MEX3C: variants seen among roughly 807,000 people sequenced by gnomAD.
The protein encoded by MEX3C is mex-3 RNA binding family member C, also known as RNA-binding E3 ubiquitin-protein ligase MEX3C.
MEX3C carries 15 observed loss-of-function variants against 35.5 expected under a neutral mutation model. The ratio of observed to expected loss-of-function variants is 0.42; its 90% CI spans 0.28 to 0.65. MEX3C has a LOEUF of 0.65. Among genes scored for constraint, MEX3C ranks in the 30% least tolerant of loss-of-function variants. The pLI is 0.20. For synonymous variants in MEX3C, 390 were observed against 352.8 expected, an observed-to-expected ratio of 1.11 and a Z score of -1.18; for missense variants, 711 against 842.8, an observed-to-expected ratio of 0.84 and a Z score of 1.94.
At chr18:51,189,705 T>C (rs1912614563) in intron 1 of MEX3C, among the ~76,000 whole-genome samples, 1 of 152,176 alleles carries the variant, frequency 6.6e-6, no homozygotes, top group Admixed American at 6.5e-5. Flanking sequence ...CTTGAAATTA[T>C]GTTCATGCTC....
At chr18:51,183,202 T>A (rs531114008) in intron 1 of MEX3C, among the ~76,000 whole-genome samples, 1 of 152,302 alleles carries the variant, frequency 6.6e-6, no homozygotes, top group Admixed American at 6.5e-5. Context: ...TAAAAACCCA[T>A]TATTTATTTT....
At chr18:51,188,441 C>T (rs1369738851) in intron 1 of MEX3C, among the ~76,000 whole-genome samples, 4 of 151,924 alleles carry the variant, frequency 2.6e-5, no homozygotes, top group East Asian at 3.9e-4. Context: ...AGTAAAACCC[C>T]GTCTCTACCA....
chr18:51,187,287 C>T (rs371574724), intron 1 of MEX3C, among the ~76,000 whole-genome samples: 2 of 152,082 alleles, frequency 1.3e-5, no homozygotes, highest in Non-Finnish European at 1.5e-5. Flanking sequence ...AAAGGCTCCA[C>T]GAACTTAAGA....
At chr18:51,186,936 C>A (rs1464013939) in intron 1 of MEX3C, among the ~76,000 whole-genome samples, 2 of 152,202 alleles carry the variant, frequency 1.3e-5, no homozygotes, top group Non-Finnish European at 2.9e-5. Context: ...TGTATATTTT[C>A]ACTTTTGGCA....
intron 1 of MEX3C, chr18:51,196,317 G>T: frequency 1.3e-6 from 1 of 789,140 alleles, no homozygotes; most frequent in Non-Finnish European, 1.9e-6. Flanking sequence ...CCCAAGTAAC[G>T]TGAACACCAC....
At chr18:51,186,559 A>C (rs1912542945) in intron 1 of MEX3C, among the ~76,000 whole-genome samples, 1 of 152,202 alleles carries the variant, frequency 6.6e-6, no homozygotes, top group African/African-American at 2.4e-5. Flanking sequence ...GATGTCAGGC[A>C]AGGGAATTTC....
rs1026476826 is a variant in MEX3C at position 51,196,363 on chromosome 18, C to T, written c.754+204G>A. ...CGCCCGAGAAACTTCACACTTTTTACCAGGCAAGACGGGCGGAAAAGCGTG... is the reference window on the plus strand; with the variant it reads ...CGCCCGAGAAACTTCACACTTTTTATCAGGCAAGACGGGCGGAAAAGCGTG... On this transcript the variant is annotated intron_variant, in intron 1 of 1. Coordinates refer to ENST00000406189, the MANE Select transcript of MEX3C (RefSeq NM_016626.5). The T allele has an allele frequency of 7.4e-6, 9 of 1,215,118 alleles. No individual in the cohort carries two copies. The African/African-American group carries it at 7.9e-5, about 11-fold the overall frequency. The allele number at this position is 1,215,118 out of a possible 1,614,324, so 75.3% of individuals were successfully genotyped here.
Position 51,196,768 on chromosome 18 carries a change from C to T in MEX3C, c.553G>A (p.Gly185Arg), listed in dbSNP as rs561738827. 3.4e-6 allele frequency: 5 copies of T among 1,455,016 alleles called. No homozygotes were observed. The East Asian group carries it at 1.3e-4, about 39-fold the overall frequency. 90.1% of individuals were successfully genotyped at this position (1,455,016 alleles called of 1,614,324 possible). A position where few individuals can be genotyped will look rare whatever the true frequency, so the allele number is the denominator to read the frequency against. The change falls in exon 1 of 2, where the codon GGG becomes AGG. Residue 185 changes from glycine (G) to arginine (R), a missense_variant. This residue lies in a region of MEX3C where 354 missense variants were observed against 311.6 expected (regional missense o/e 1.14). Coordinates refer to ENST00000406189, the MANE Select transcript of MEX3C (RefSeq NM_016626.5). ...REAAAAAAAAGVLYGGDDAQG... is the reference protein window; with the variant it reads ...REAAAAAAAARVLYGGDDAQG... Reference sequence around the variant, plus strand: ...GCATCGTCCCCTCCGTACAGCACCCCCGCCGCCGCCGCCGCGGCCGCCGCC... The same window carrying T: ...GCATCGTCCCCTCCGTACAGCACCCTCGCCGCCGCCGCCGCGGCCGCCGCC...
Position 51,197,021 on chromosome 18 carries a change from G to A in MEX3C, c.300C>T (p.Ala100=). ...CCAGCTCCAGCTCGGCCGCCTCCGG[G>A]GCCCCGGGCCGGCCGGGCGGAGCCC... The part of the protein sequence containing the change: ...EERAPPGRPG[A]PEAAELELEE... Residue 100 remains alanine (A), a synonymous_variant, in exon 1 of 2, where the codon GCC becomes GCT. Transcript: ENST00000406189. The A allele has an allele frequency of 1.3e-6, 2 of 1,521,400 alleles. No individual in the cohort carries two copies. The highest frequency in any genetic ancestry group is 1.8e-6 in the Non-Finnish European group (2 of 1,139,564). 94.2% of individuals were successfully genotyped at this position (1,521,400 alleles called of 1,614,324 possible). A position where few individuals can be genotyped will look rare whatever the true frequency, so the allele number is the denominator to read the frequency against.
At chr18:51,180,731 C>T (rs1328017542) in intron 1 of MEX3C, among the ~76,000 whole-genome samples, 6 of 152,184 alleles carry the variant, frequency 3.9e-5, no homozygotes, top group African/African-American at 1.2e-4. Context: ...GATCTGCCCG[C>T]GTTGGCCTCC....
chr18:51,196,371 G>A, intron 1 of MEX3C, 196 bp downstream of exon 1: 1 of 1,261,446 alleles, frequency 7.9e-7, no homozygotes, highest in Non-Finnish European at 1.1e-6. Context: ...TACCAGGCAA[G>A]ACGGGCGGAA....
Position 51,175,367 on chromosome 18 carries a change from A to C in MEX3C, c.*984T>G, listed in dbSNP as rs1472974195. 2.0e-5 allele frequency: 3 copies of C among 152,610 alleles called. No homozygotes were observed. Among genetic ancestry groups the C allele is most frequent in the Non-Finnish European group, 2.9e-5 (2 of 68,038 alleles). The allele number at this position is 152,610 out of a possible 1,614,324, so 9.5% of individuals were successfully genotyped here. A position where few individuals can be genotyped will look rare whatever the true frequency, so the allele number is the denominator to read the frequency against. On this transcript the variant is annotated 3_prime_UTR_variant, in exon 2 of 2. Transcript: ENST00000406189. ...TTGGAAATAGTTTTGAAATGAAGTA[A>C]ACTGATTGGAGGTTGTCACAGCTGC...
At chr18:51,194,340 G>T (rs1912726981) in intron 1 of MEX3C, 1 of 152,236 alleles carries the variant, frequency 6.6e-6, no homozygotes, top group East Asian at 1.9e-4. Context: ...AAAATACAAG[G>T]TTTAAATGGA....
At chr18:51,186,319 T>C (rs1912536589) in intron 1 of MEX3C, among the ~76,000 whole-genome samples, 1 of 152,098 alleles carries the variant, frequency 6.6e-6, no homozygotes, top group Admixed American at 6.6e-5. Flanking sequence ...AGGAGATGAC[T>C]TTACTACTTA....
At chr18:51,180,432 C>T (rs367876486) in intron 1 of MEX3C, among the ~76,000 whole-genome samples, 1 of 151,970 alleles carries the variant, frequency 6.6e-6, no homozygotes, top group East Asian at 1.9e-4. Flanking sequence ...TTAGGTTTTG[C>T]AGATCAGGGA....
At chr18:51,181,919 G>A (rs543501388) in intron 1 of MEX3C, among the ~76,000 whole-genome samples, 22 of 152,184 alleles carry the variant, frequency 1.4e-4, no homozygotes, top group Middle Eastern at 6.8e-3. Context: ...ACTAGTCTTA[G>A]CATATTGATT....
In MEX3C at chr18:51,175,040, CAAAAT is replaced by C. The variant is rs1912268366; in HGVS notation, c.*1306_*1310del. 1 of 152,404 alleles carries C rather than the reference CAAAAT, an allele frequency of 6.6e-6. No individual in the cohort carries two copies. Among genetic ancestry groups the C allele is most frequent in the Admixed American group, 6.6e-5 (1 of 15,262 alleles). The allele number at this position is 152,404 out of a possible 1,614,324, so 9.4% of individuals were successfully genotyped here. ...GCAACTTTTTTTATACTGAAAAAAT[CAAAAT>C]AAAAACCGTTATTTGTAAACTTTTA... On this transcript the variant is annotated 3_prime_UTR_variant, in exon 2 of 2. Transcript: ENST00000406189.
At chr18:51,184,421 T>C (rs1296602525) in intron 1 of MEX3C, among the ~76,000 whole-genome samples, 1 of 152,168 alleles carries the variant, frequency 6.6e-6, no homozygotes, top group Non-Finnish European at 1.5e-5. Context: ...TACAAAGTAA[T>C]AAAAACTACT....
At chr18:51,190,033 T>G (rs1416315008) in intron 1 of MEX3C, among the ~76,000 whole-genome samples, 4 of 152,226 alleles carry the variant, frequency 2.6e-5, no homozygotes, top group African/African-American at 9.7e-5. Flanking sequence ...ATCTCTGTAC[T>G]TTCAATTGTA....
Sources: gnomAD v4.1 joint callset for allele counts (sites outside exome capture counted in the v4.1 genomes callset) on GRCh38, gnomAD v4.1.1 for gene constraint, gnomAD v4.1.1 regional missense constraint, MANE v1.5 for transcripts, NCBI Gene and HGNC (gene_info 2026-07-23, HGNC 2026-07-21) for gene names.